The following EEFSEC variants were observed in gnomAD, a reference collection of about 807,000 sequenced individuals.
The protein encoded by EEFSEC is selenocysteine-specific elongation factor.
In EEFSEC, 43 loss-of-function variants were observed where a neutral mutation model predicts 42.1. The observed-to-expected ratio is 1.02, with a 90% CI of 0.80 to 1.32. The LOEUF is 1.32. Among genes scored for constraint, EEFSEC ranks in the 40% most tolerant of loss-of-function variants. EEFSEC has a pLI of 0.00. For missense variants in EEFSEC, 745 were observed against 803.6 expected, an observed-to-expected ratio of 0.93 and a Z score of 0.88; for synonymous variants, 354 against 339.1, an observed-to-expected ratio of 1.04 and a Z score of -0.48.
intron 1 of EEFSEC, among the ~76,000 whole-genome samples, chr3:128,212,884 C>T (rs555128591): frequency 1.3e-5 from 2 of 152,178 alleles, no homozygotes; most frequent in Non-Finnish European, 2.9e-5. Flanking sequence ...GATGGGCTGG[C>T]GCTGCCACAT....
At chr3:128,266,233 T>C (rs559605937) in intron 4 of EEFSEC, among the ~76,000 whole-genome samples, 1 of 152,268 alleles carries the variant, frequency 6.6e-6, no homozygotes, top group South Asian at 2.1e-4. Flanking sequence ...CAGAATAAAG[T>C]TGGAGCACTG....
At chr3:128,334,704 A>C (rs2067171033) in intron 4 of EEFSEC, among the ~76,000 whole-genome samples, 1 of 152,364 alleles carries the variant, frequency 6.6e-6, no homozygotes, top group African/African-American at 2.4e-5. Context: ...AGTTTTAAAA[A>C]GTGTTTGCTT....
intron 6 of EEFSEC, among the ~76,000 whole-genome samples, chr3:128,370,843 G>T (rs1161440268): frequency 6.6e-6 from 1 of 152,210 alleles, no homozygotes; most frequent in Non-Finnish European, 1.5e-5. Flanking sequence ...CTCCCTTCCA[G>T]AGTGAAGGTG....
chr3:128,240,077 C>T (rs1185679633), intron 1 of EEFSEC, among the ~76,000 whole-genome samples: 1 of 152,238 alleles, frequency 6.6e-6, no homozygotes, highest in Non-Finnish European at 1.5e-5. Context: ...GCCCTGTGCC[C>T]AGGTGGGTGC....
intron 1 of EEFSEC, among the ~76,000 whole-genome samples, chr3:128,159,371 C>T (rs1032024399): frequency 6.6e-6 from 1 of 152,234 alleles, no homozygotes; most frequent in African/African-American, 2.4e-5. Flanking sequence ...TGAAATGGCC[C>T]CCAAGGCCAT....
At chr3:128,221,097 A>T (rs1245805537) in intron 1 of EEFSEC, among the ~76,000 whole-genome samples, 1 of 152,226 alleles carries the variant, frequency 6.6e-6, no homozygotes, top group Non-Finnish European at 1.5e-5. Flanking sequence ...CCACACTTGC[A>T]CCTTGCAATT....
intron 1 of EEFSEC, among the ~76,000 whole-genome samples, chr3:128,158,229 G>T (rs1195408943): frequency 1.3e-5 from 2 of 152,186 alleles, no homozygotes; most frequent in Non-Finnish European, 2.9e-5. Flanking sequence ...CATGAGCAAA[G>T]AAAGTAGTTT....
intron 1 of EEFSEC, among the ~76,000 whole-genome samples, chr3:128,222,673 A>G (rs144840796): frequency 6.6e-6 from 1 of 152,340 alleles, no homozygotes. Flanking sequence ...TAACCACAAC[A>G]TGTTGAACAT....
At chr3:128,286,489 A>G (rs1368998352) in intron 4 of EEFSEC, among the ~76,000 whole-genome samples, 3 of 152,216 alleles carry the variant, frequency 2.0e-5, no homozygotes, top group Admixed American at 2.0e-4. Context: ...TATGTATTTT[A>G]TACTTTGGGT....
intron 1 of EEFSEC, among the ~76,000 whole-genome samples, chr3:128,218,248 C>T (rs2065829012): frequency 1.3e-5 from 2 of 152,208 alleles, no homozygotes; most frequent in African/African-American, 4.8e-5. Context: ...TAGGCCTCTT[C>T]AGTTGGCTCT....
intron 4 of EEFSEC, among the ~76,000 whole-genome samples, chr3:128,315,793 C>T (rs1225658036): frequency 6.6e-6 from 1 of 152,132 alleles, no homozygotes; most frequent in Non-Finnish European, 1.5e-5. Context: ...CTAGTGATAA[C>T]TTTTATATGA....
At chr3:128,327,021 A>G (rs1303390441) in intron 4 of EEFSEC, among the ~76,000 whole-genome samples, 1 of 152,174 alleles carries the variant, frequency 6.6e-6, no homozygotes, top group Non-Finnish European at 1.5e-5. Flanking sequence ...TTTTCTGGCC[A>G]TGCCCCACAT....
intron 4 of EEFSEC, among the ~76,000 whole-genome samples, chr3:128,338,609 G>A (rs922283902): frequency 3.3e-5 from 5 of 152,200 alleles, no homozygotes; most frequent in Non-Finnish European, 5.9e-5. Flanking sequence ...AAAGCACAGA[G>A]ACATTCAGAA....
intron 6 of EEFSEC, among the ~76,000 whole-genome samples, chr3:128,363,493 G>C (rs1576673326): frequency 6.6e-6 from 1 of 152,214 alleles, no homozygotes; most frequent in Non-Finnish European, 1.5e-5. Context: ...GAAGGGAAGG[G>C]TTGGTCATTC....
chr3:128,393,475 G>T (rs1369534775), intron 6 of EEFSEC, among the ~76,000 whole-genome samples: 1 of 152,208 alleles, frequency 6.6e-6, no homozygotes, highest in Non-Finnish European at 1.5e-5. Flanking sequence ...AGCCCTTGGA[G>T]CCCAGGCTTC....
intron 5 of EEFSEC, among the ~76,000 whole-genome samples, chr3:128,345,033 C>T (rs187657248): frequency 1.9e-4 from 29 of 152,262 alleles, no homozygotes; most frequent in Admixed American, 1.3e-3. Flanking sequence ...CTCAGCCATC[C>T]GACAGACTGG....
intron 4 of EEFSEC, among the ~76,000 whole-genome samples, chr3:128,266,468 GT>G (rs1386764699): frequency 6.6e-6 from 1 of 152,032 alleles, no homozygotes; most frequent in Non-Finnish European, 1.5e-5. Context: ...GCAACCTGAG[GT>G]TTCAACCCCC....
At chr3:128,395,807 G>C (rs1194465822) in intron 6 of EEFSEC, among the ~76,000 whole-genome samples, 2 of 152,224 alleles carry the variant, frequency 1.3e-5, no homozygotes, top group Non-Finnish European at 2.9e-5. Flanking sequence ...AGCACCCTCA[G>C]CCACAGCCAT....
intron 6 of EEFSEC, among the ~76,000 whole-genome samples, chr3:128,406,749 G>A (rs1042355951): frequency 2.6e-5 from 4 of 151,844 alleles, no homozygotes; most frequent in African/African-American, 7.3e-5. Flanking sequence ...GGAGGCAGAG[G>A]TTGTAGTGAG....
Sources: allele counts gnomAD v4.1 joint callset (sites outside exome capture counted in the v4.1 genomes callset), GRCh38; gene constraint gnomAD v4.1.1; transcripts MANE v1.5; gene names NCBI Gene and HGNC (gene_info 2026-07-23, HGNC 2026-07-21).